The following CCBE1 variants were observed in gnomAD, a reference collection of about 807,000 sequenced individuals.
The protein encoded by CCBE1 is collagen and calcium binding EGF domains 1.
CCBE1 carries 37 observed loss-of-function variants against 50.0 expected under a neutral mutation model. The observed-to-expected ratio is 0.74, with a 90% CI of 0.57 to 0.97. The LOEUF (loss-of-function observed/expected upper bound fraction) is 0.97. Ranked by LOEUF, CCBE1 falls within the 50% of genes least tolerant of loss-of-function variation. The pLI, the probability that CCBE1 is intolerant of heterozygous loss-of-function variation, is 0.00. For missense variants in CCBE1, 538 were observed against 523.8 expected (o/e 1.03, Z -0.26); for synonymous variants, 234 against 203.7 (o/e 1.15, Z -1.27).
At position 59,486,788 on chromosome 18, in the gene CCBE1, C is replaced by T. The variant is rs7234860; in HGVS notation, c.213-6550G>A. ...TCTCCCCAACCCCAAAGCAAGTAGC[C>T]CCTATCATTTTCCTACTGCAACAAG... On this transcript the variant is annotated intron_variant, in intron 2 of 10. Transcript: ENST00000439986. Among the ~76,000 whole-genome samples, 835 of 152,126 alleles carry T rather than the reference C, an allele frequency of 5.5e-3. 4 individuals carry two copies. Among genetic ancestry groups the T allele is most frequent in the African/African-American group, 0.019 (784 of 41,478 alleles).
At chr18:59,483,362 T>C (rs1912666067) in intron 2 of CCBE1, among the ~76,000 whole-genome samples, 1 of 152,220 alleles carries the variant, frequency 6.6e-6, no homozygotes, top group African/African-American at 2.4e-5. Context: ...GATTTCAGAT[T>C]ATTTTGGAGT....
chr18:59,668,418 A>AAATAATAATAATAATAATAATAATAAT (rs58896218), intron 2 of CCBE1, among the ~76,000 whole-genome samples: 18 of 150,278 alleles, frequency 1.2e-4, no homozygotes, highest in African/African-American at 4.5e-4. Flanking sequence ...CTCCATCTCA[A>AAATAATAATAATAATAATAATAATAAT]AATAATAATA....
chr18:59,451,307 C>A (rs1176397919), intron 6 of CCBE1, among the ~76,000 whole-genome samples: 1 of 151,942 alleles, frequency 6.6e-6, no homozygotes, highest in African/African-American at 2.4e-5. Flanking sequence ...ACCAGTCAAC[C>A]CAGGACAGGC....
At chr18:59,514,073 A>G (rs980847103) in intron 2 of CCBE1, among the ~76,000 whole-genome samples, 5 of 152,198 alleles carry the variant, frequency 3.3e-5, no homozygotes, top group Non-Finnish European at 7.3e-5. Flanking sequence ...GAACCCTCAT[A>G]TACACCACAC....
chr18:59,533,262 T>C (rs1345747654), intron 2 of CCBE1, among the ~76,000 whole-genome samples: 1 of 152,200 alleles, frequency 6.6e-6, no homozygotes, highest in Non-Finnish European at 1.5e-5. Context: ...GCTAGTGATA[T>C]TAGAGGTAAG....
At chr18:59,589,065 C>T (rs936142195) in intron 2 of CCBE1, among the ~76,000 whole-genome samples, 6 of 152,300 alleles carry the variant, frequency 3.9e-5, no homozygotes, top group South Asian at 4.1e-4. Flanking sequence ...AATGTAACCA[C>T]GCATTAAAGC....
intron 2 of CCBE1, among the ~76,000 whole-genome samples, chr18:59,589,371 C>G (rs2053225676): frequency 6.6e-6 from 1 of 152,196 alleles, no homozygotes; most frequent in African/African-American, 2.4e-5. Context: ...ATTCTACAAA[C>G]CGTCAAAGAC....
chr18:59,461,553 A>C (rs960544347), intron 5 of CCBE1, among the ~76,000 whole-genome samples: 1 of 152,040 alleles, frequency 6.6e-6, no homozygotes. Context: ...TCCTCTGTGC[A>C]TAGGTGATAA....
chr18:59,620,557 A>G (rs775411373), intron 2 of CCBE1, among the ~76,000 whole-genome samples: 1 of 152,182 alleles, frequency 6.6e-6, no homozygotes, highest in Non-Finnish European at 1.5e-5. Flanking sequence ...ATCTTGAATC[A>G]TAGCTCCCAC....
At chr18:59,439,864 A>G in intron 7 of CCBE1, 48 bp from the exon 8 acceptor site, 1 of 1,608,030 alleles carries the variant, frequency 6.2e-7, no homozygotes, top group Non-Finnish European at 8.5e-7. Flanking sequence ...GAGAAGGACA[A>G]AGGGCCCTGG....
chr18:59,624,355 A>G (rs2053750772), intron 2 of CCBE1, among the ~76,000 whole-genome samples: 1 of 152,232 alleles, frequency 6.6e-6, no homozygotes, highest in South Asian at 2.1e-4. Context: ...TAAAGTTGCA[A>G]TTGAGGGGAC....
At chr18:59,571,462 C>T (rs1004061727) in intron 2 of CCBE1, among the ~76,000 whole-genome samples, 2 of 115,466 alleles carry the variant, frequency 1.7e-5, no homozygotes, top group African/African-American at 7.0e-5. Context: ...GAACATCACA[C>T]ACCGGGGACT....
intron 2 of CCBE1, among the ~76,000 whole-genome samples, chr18:59,647,377 T>C (rs2054069067): frequency 6.6e-6 from 1 of 152,156 alleles, no homozygotes; most frequent in Non-Finnish European, 1.5e-5. Context: ...AATACATAAA[T>C]AGAAAAAAGA....
intron 2 of CCBE1, among the ~76,000 whole-genome samples, chr18:59,511,139 ATGC>A (rs1480912343): frequency 6.6e-6 from 1 of 152,190 alleles, no homozygotes; most frequent in African/African-American, 2.4e-5. Context: ...CTTCGTTTTT[ATGC>A]TGCTATGTTT....
intron 2 of CCBE1, among the ~76,000 whole-genome samples, chr18:59,690,587 C>G (rs1046992196): frequency 6.6e-6 from 1 of 152,204 alleles, no homozygotes; most frequent in African/African-American, 2.4e-5. Flanking sequence ...GCACCCACCC[C>G]AGCTTCACTT....
At chr18:59,528,717 T>C (rs778088049) in intron 2 of CCBE1, among the ~76,000 whole-genome samples, 2 of 152,168 alleles carry the variant, frequency 1.3e-5, no homozygotes, top group Non-Finnish European at 2.9e-5. Context: ...CCCTCTTCCA[T>C]AGGGATGCTG....
At chr18:59,622,090 C>T (rs1376072594) in intron 2 of CCBE1, among the ~76,000 whole-genome samples, 1 of 152,234 alleles carries the variant, frequency 6.6e-6, no homozygotes, top group Non-Finnish European at 1.5e-5. Flanking sequence ...TCTCTCAGCA[C>T]CTTTTCTGCA....
chr18:59,684,743 A>G (rs1338229243), intron 2 of CCBE1, among the ~76,000 whole-genome samples: 1 of 152,262 alleles, frequency 6.6e-6, no homozygotes, highest in Admixed American at 6.5e-5. Context: ...CATTATAGAC[A>G]GACATATTTG....
At chr18:59,526,913 G>A (rs561073138) in intron 2 of CCBE1, among the ~76,000 whole-genome samples, 1 of 152,168 alleles carries the variant, frequency 6.6e-6, no homozygotes, top group Non-Finnish European at 1.5e-5. Flanking sequence ...TTGCCAAGGA[G>A]TGTTTTACTT....
Sources: gnomAD v4.1 joint callset for allele counts (sites outside exome capture counted in the v4.1 genomes callset) on GRCh38, gnomAD v4.1.1 for gene constraint, MANE v1.5 for transcripts, NCBI Gene and HGNC (gene_info 2026-07-23, HGNC 2026-07-21) for gene names.